The following MORF4L1 variants were observed in gnomAD, a reference collection of about 807,000 sequenced individuals.
MORF4L1 encodes mortality factor 4 like 1, also known as mortality factor 4-like protein 1.
In MORF4L1, 4 loss-of-function variants were observed where a neutral mutation model predicts 52.9. That is an observed-to-expected ratio of 0.08 (90% confidence interval 0.04 to 0.17). The LOEUF (loss-of-function observed/expected upper bound fraction) is 0.17. Among genes scored for constraint, MORF4L1 ranks in the 10% least tolerant of loss-of-function variants. The pLI is 1.00. For synonymous variants in MORF4L1, 123 were observed against 134.8 expected, an observed-to-expected ratio of 0.91 and a Z score of 0.61; for missense variants, 214 against 390.4, an observed-to-expected ratio of 0.55 and a Z score of 3.81.
chr15:78,887,834 A>G (rs1256607828), intron 5 of MORF4L1, among the ~76,000 whole-genome samples: 1 of 152,156 alleles, frequency 6.6e-6, no homozygotes, highest in African/African-American at 2.4e-5. Flanking sequence ...GCTGGAGTGC[A>G]GTGGTGTGAT....
chr15:78,888,531 A>T (rs2056745388), intron 5 of MORF4L1, among the ~76,000 whole-genome samples: 1 of 152,194 alleles, frequency 6.6e-6, no homozygotes, highest in South Asian at 2.1e-4. Context: ...TTGTAATAAT[A>T]AAAACAAAAA....
intron 8 of MORF4L1, 78 bp from the exon 9 acceptor site, chr15:78,893,461 T>G (rs1009476460): frequency 5.4e-6 from 5 of 924,122 alleles, no homozygotes; most frequent in Non-Finnish European, 8.9e-6. Flanking sequence ...TACCTGATCT[T>G]TGTATAAAAA....
chr15:78,888,639 G>C (rs1306503224), intron 5 of MORF4L1, among the ~76,000 whole-genome samples: 1 of 152,130 alleles, frequency 6.6e-6, no homozygotes, highest in African/African-American at 2.4e-5. Flanking sequence ...GCTTTGGGAG[G>C]CTGAGGTGGG....
chr15:78,880,491 T>TA (rs777160890), intron 2 of MORF4L1, 21 bp from the exon 3 acceptor site: 264 of 1,548,992 alleles, frequency 1.7e-4, no homozygotes, highest in Non-Finnish European at 2.1e-4. Flanking sequence ...AGTGAATTAT[T>TA]ATTTTTTTTT....
At chr15:78,876,479 A>G (rs1021121799) in intron 1 of MORF4L1, 13 of 455,056 alleles carry the variant, frequency 2.9e-5, no homozygotes, top group South Asian at 7.7e-5. Flanking sequence ...AGCTAGCTGT[A>G]TATTTTTTCA....
Position 78,891,563 on chromosome 15 carries a change from T to G in MORF4L1, c.429T>G (p.Thr143=). Residue 143 remains threonine, a synonymous_variant, in exon 7 of 12, where the codon ACT becomes ACG. Transcript: ENST00000426013. ...PRKKRARVDP[T]VENEETFMNR... ...AGAAAAGGGCCCGGGTAGATCCTAC[T>G]GTTGAAAATGTGAGTTTTTCTTGTG... 3 of 1,612,200 alleles carry G rather than the reference T, an allele frequency of 1.9e-6. No individual in the cohort carries two copies. The highest frequency in any genetic ancestry group is 2.5e-6 in the Non-Finnish European group (3 of 1,178,462).
At position 78,880,508 on chromosome 15, in the gene MORF4L1, T is replaced by A. The variant is rs2141462569; in HGVS notation, c.88-4T>A. On this transcript the variant is annotated splice_region_variant and splice_polypyrimidine_tract_variant and intron_variant, in intron 2 of 11. Coordinates refer to ENST00000426013, the MANE Select transcript of MORF4L1 (RefSeq NM_006791.4). ...TGAATTATTATTTTTTTTTTGAATT[T>A]CAGTGTGTAAAGGTTGCCATAAAGG... 3.2e-6 allele frequency: 5 copies of A among 1,585,414 alleles called. No homozygotes were observed. In the South Asian group the frequency reaches 5.8e-5, roughly 19 times the overall value.
intron 8 of MORF4L1, 52 bp downstream of exon 8, chr15:78,892,365 G>C: frequency 7.4e-7 from 1 of 1,351,192 alleles, no homozygotes; most frequent in Non-Finnish European, 1.0e-6. Flanking sequence ...ATTCTTGCTA[G>C]CAAAAAAAGT....
intron 11 of MORF4L1, 50 bp from the exon 12 acceptor site, chr15:78,896,933 A>G: frequency 7.1e-7 from 1 of 1,412,054 alleles, no homozygotes; most frequent in South Asian, 1.2e-5. Flanking sequence ...AGAGATTTGG[A>G]TCAAGATAAT....
At position 78,897,853 on chromosome 15, in the gene MORF4L1, T is replaced by A. The variant is rs1415346277; in HGVS notation, c.*786T>A. On this transcript the variant is annotated 3_prime_UTR_variant, in exon 12 of 12. Transcript: ENST00000426013. ...GTTTTCTGGTATGGCCTTTATGGAA[T>A]GAGACGCTTTAGCTTTGGTACGTAG... is the stretch of plus-strand genomic sequence containing the variant. The A allele has an allele frequency of 2.0e-5, 3 of 152,610 alleles. No homozygotes were observed. The highest frequency in any genetic ancestry group is 6.5e-5 in the Admixed American group (1 of 15,282). The allele number at this position is 152,610 out of a possible 1,614,324, so 9.5% of individuals were successfully genotyped here.
chr15:78,884,974 G>A, intron 3 of MORF4L1: 1 of 1,613,582 alleles, frequency 6.2e-7, no homozygotes, highest in East Asian at 2.2e-5. Context: ...CAGAAGTGCT[G>A]TGAGGCCCAG....
chr15:78,881,699 C>G (rs949159069), intron 3 of MORF4L1, among the ~76,000 whole-genome samples: 1 of 152,170 alleles, frequency 6.6e-6, no homozygotes, highest in Non-Finnish European at 1.5e-5. Flanking sequence ...AATGAAAAGA[C>G]TTGTAATTTT....
At chr15:78,874,568 C>T (rs1269271912) in intron 1 of MORF4L1, among the ~76,000 whole-genome samples, 4 of 138,616 alleles carry the variant, frequency 2.9e-5, no homozygotes, top group African/African-American at 1.1e-4. Context: ...TTTGTTTTTT[C>T]TTTTCTTTTT....
intron 4 of MORF4L1, among the ~76,000 whole-genome samples, chr15:78,886,732 G>T (rs1246718385): frequency 6.6e-6 from 1 of 152,156 alleles, no homozygotes; most frequent in Non-Finnish European, 1.5e-5. Flanking sequence ...AAGGCGGGTG[G>T]ATCACGAGGT....
chr15:78,893,299 A>G (rs2056831386), intron 8 of MORF4L1, among the ~76,000 whole-genome samples: 1 of 152,224 alleles, frequency 6.6e-6, no homozygotes, highest in African/African-American at 2.4e-5. Flanking sequence ...TCCATAACTT[A>G]GAATGGGGTT....
rs200878671 is a variant in MORF4L1 at position 78,896,987 on chromosome 15, C to T, written c.892C>T (p.Leu298=). Residue 298 remains leucine, a synonymous_variant, in exon 12 of 12, where the codon CTG becomes TTG. Transcript: ENST00000426013. ...TAATGAATATTTTATTTTTAGGTAC[C>T]TGGCAAAGAATTCTGCAACTTTGTT... The part of the protein sequence containing the change: ...LNYLHDFLKY[L]AKNSATLFSA... The T allele has an allele frequency of 1.1e-4, 170 of 1,612,662 alleles. No individual in the cohort carries two copies. The highest frequency in any genetic ancestry group is 1.3e-4 in the Non-Finnish European group (159 of 1,179,220).
At chr15:78,877,269 C>T (rs1210839298) in intron 1 of MORF4L1, among the ~76,000 whole-genome samples, 1 of 152,014 alleles carries the variant, frequency 6.6e-6, no homozygotes, top group Non-Finnish European at 1.5e-5. Context: ...TACAGGCACA[C>T]ACCACCATGC....
At chr15:78,891,432 A>G in intron 6 of MORF4L1, 52 bp from the exon 7 acceptor site, 1 of 1,341,458 alleles carries the variant, frequency 7.5e-7, no homozygotes, top group Non-Finnish European at 1.1e-6. Flanking sequence ...TATTTTCCTT[A>G]TAGAGTTTGT....
At chr15:78,877,312 G>A (rs1024419976) in intron 1 of MORF4L1, among the ~76,000 whole-genome samples, 1 of 152,010 alleles carries the variant, frequency 6.6e-6, no homozygotes, top group African/African-American at 2.4e-5. Context: ...GAAGAGACAG[G>A]GTTTCGCCTG....
Sources: gnomAD v4.1 joint callset for allele counts (sites outside exome capture counted in the v4.1 genomes callset) on GRCh38, gnomAD v4.1.1 for gene constraint, MANE v1.5 for transcripts, NCBI Gene and HGNC (gene_info 2026-07-23, HGNC 2026-07-21) for gene names.